The following TRPC4AP variants were observed in gnomAD, a reference collection of about 807,000 sequenced individuals.
TRPC4AP encodes the protein transient receptor potential cation channel subfamily C member 4 associated protein.
A neutral mutation model predicts 99.0 loss-of-function variants in TRPC4AP; 45 were observed. The observed-to-expected ratio is 0.45, with a 90% confidence interval of 0.36 to 0.58. TRPC4AP has a LOEUF of 0.58. Ranked by LOEUF, TRPC4AP falls within the 20% of genes least tolerant of loss-of-function variation. The pLI is 0.00. For synonymous variants in TRPC4AP, 408 were observed against 385.8 expected (o/e 1.06, Z -0.67); for missense variants, 879 against 985.3 (o/e 0.89, Z 1.44).
chr20:35,061,170 A>G (rs1264605585), intron 3 of TRPC4AP, among the ~76,000 whole-genome samples: 1 of 152,216 alleles, frequency 6.6e-6, no homozygotes, highest in Non-Finnish European at 1.5e-5. Context: ...ATCAATATAC[A>G]TAAATCAACT....
At chr20:35,024,199 T>C (rs1482828826) in intron 8 of TRPC4AP, among the ~76,000 whole-genome samples, 1 of 151,810 alleles carries the variant, frequency 6.6e-6, no homozygotes, top group Non-Finnish European at 1.5e-5. Context: ...TAGTTAACCA[T>C]GGTATCGTGA....
chr20:35,044,183 G>A (rs2083502585), intron 7 of TRPC4AP, among the ~76,000 whole-genome samples: 1 of 151,892 alleles, frequency 6.6e-6, no homozygotes, highest in Non-Finnish European at 1.5e-5. Context: ...TTGAGACCAG[G>A]AAGTCAAGAC....
chr20:35,091,673 C>T (rs1345196628), intron 1 of TRPC4AP, among the ~76,000 whole-genome samples: 1 of 152,144 alleles, frequency 6.6e-6, no homozygotes, highest in East Asian at 1.9e-4. Context: ...CCTATTCAAC[C>T]TGGTTTACCC....
In TRPC4AP at chr20:35,002,879, T is replaced by G. The variant is rs796355258; in HGVS notation, c.*267A>C. 1.1e-4 allele frequency: 45 copies of G among 417,512 alleles called. No homozygotes were observed. Among genetic ancestry groups the G allele is most frequent in the African/African-American group, 8.2e-4 (41 of 49,818 alleles). 25.9% of individuals were successfully genotyped at this position (417,512 alleles called of 1,614,324 possible). A position where few individuals can be genotyped will look rare whatever the true frequency, so the allele number is the denominator to read the frequency against. On this transcript the variant is annotated 3_prime_UTR_variant, in exon 19 of 19. Transcript: ENST00000252015. ...AGCTAATGCTAAATGTCCTCTTACC[T>G]CTGGGTGGCCCTGGGCCCCAGGGTT...
chr20:35,029,652 T>TC (rs2083123027), intron 8 of TRPC4AP, among the ~76,000 whole-genome samples: 3 of 136,804 alleles, frequency 2.2e-5, no homozygotes, highest in Non-Finnish European at 4.7e-5. Context: ...TTTTTTTTTT[T>TC]TGAGACAGAG....
chr20:35,084,691 T>C (rs939965451), intron 1 of TRPC4AP, among the ~76,000 whole-genome samples: 4 of 143,576 alleles, frequency 2.8e-5, no homozygotes, highest in Admixed American at 1.4e-4. Flanking sequence ...TTTATATGCA[T>C]ATATGTGTAT....
intron 8 of TRPC4AP, among the ~76,000 whole-genome samples, chr20:35,033,750 G>A (rs1046826982): frequency 2.0e-5 from 3 of 152,118 alleles, no homozygotes; most frequent in Admixed American, 6.6e-5. Flanking sequence ...CTGGCACTCT[G>A]GGAGGCCAAG....
In TRPC4AP at chr20:35,042,257, A is replaced by T. The variant is rs555569831; in HGVS notation, c.865+2248T>A. On this transcript the variant is annotated intron_variant, in intron 7 of 18. Transcript: ENST00000252015. Reference sequence around the variant, plus strand: ...TAGAGAGAGAATAAACTGGGGTTGGAGTCCACAAACTTCTACCTTTACATA... The same window carrying T: ...TAGAGAGAGAATAAACTGGGGTTGGTGTCCACAAACTTCTACCTTTACATA... 5.3e-5 allele frequency among the ~76,000 whole-genome samples: 8 copies of T among 152,342 alleles called. No homozygotes were observed. The East Asian group carries it at 1.5e-3, about 29-fold the overall frequency.
In TRPC4AP at chr20:35,049,779, A is replaced by G. The variant is rs1466765656; in HGVS notation, c.657+87T>C. The G allele has an allele frequency of 7.0e-6, 10 of 1,426,174 alleles. No individual in the cohort carries two copies. The Admixed American group carries it at 2.5e-4, about 35-fold the overall frequency. The allele number at this position is 1,426,174 out of a possible 1,614,324, so 88.3% of individuals were successfully genotyped here. A position where few individuals can be genotyped will look rare whatever the true frequency, so the allele number is the denominator to read the frequency against. ...AAGACATAATTTAACACTTTCTTTT[A>G]AAAAAGCTCTGTATATTATTCAGTT... is the stretch of plus-strand genomic sequence containing the variant. On this transcript the variant is annotated intron_variant, in intron 6 of 18. Transcript: ENST00000252015.
rs189057869 is a variant in TRPC4AP, at chr20:35,058,036, G to A, written c.415-465C>T. Among the ~76,000 whole-genome samples, 104 of 152,180 alleles carry A rather than the reference G, an allele frequency of 6.8e-4. 1 individual carries two copies. Among genetic ancestry groups the A allele is most frequent in the African/African-American group, 2.4e-3 (98 of 41,522 alleles). On this transcript the variant is annotated intron_variant, in intron 3 of 18. Transcript: ENST00000252015. Reference sequence around the variant, plus strand: ...ACTTTAATACAATTTTGCACAAACTGTTTAAAATAAGCATGTATTTAAAAA... The same window carrying A: ...ACTTTAATACAATTTTGCACAAACTATTTAAAATAAGCATGTATTTAAAAA...
intron 1 of TRPC4AP, among the ~76,000 whole-genome samples, chr20:35,084,065 C>T (rs1371233603): frequency 2.0e-5 from 3 of 151,764 alleles, no homozygotes; most frequent in Non-Finnish European, 4.4e-5. Flanking sequence ...TTTGGGAGGC[C>T]GAGGTGGGTG....
intron 1 of TRPC4AP, among the ~76,000 whole-genome samples, chr20:35,087,434 C>T (rs943329347): frequency 4.0e-5 from 6 of 151,842 alleles, no homozygotes; most frequent in African/African-American, 1.5e-4. Context: ...AAGGAAGCAA[C>T]GACTGCCATG....
In TRPC4AP at chr20:35,039,433, C is replaced by T. The variant is rs2083399864; in HGVS notation, c.866-4125G>A. 2.6e-5 allele frequency among the ~76,000 whole-genome samples: 4 copies of T among 152,242 alleles called. No individual in the cohort carries two copies. The South Asian group carries it at 8.3e-4, about 32-fold the overall frequency. Reference sequence around the variant, plus strand: ...ATACCTAGCAACTCATACACAATCTCATGGGCTGACATCCCAGCATATCCA... The same window carrying T: ...ATACCTAGCAACTCATACACAATCTTATGGGCTGACATCCCAGCATATCCA... On this transcript the variant is annotated intron_variant, in intron 7 of 18. Coordinates refer to ENST00000252015, the MANE Select transcript of TRPC4AP (RefSeq NM_015638.3).
chr20:35,035,343 AAT>A, intron 7 of TRPC4AP, 35 bp from the exon 8 acceptor site: 1 of 1,599,758 alleles, frequency 6.3e-7, no homozygotes, highest in Non-Finnish European at 8.5e-7. Flanking sequence ...AAATTTTCAA[AAT>A]AGAGACCAGC....
chr20:35,070,066 A>G (rs1196397483), intron 2 of TRPC4AP, among the ~76,000 whole-genome samples: 1 of 152,170 alleles, frequency 6.6e-6, no homozygotes, highest in African/African-American at 2.4e-5. Flanking sequence ...CAACATCCTT[A>G]GTTGATCTCC....
At chr20:35,038,162 A>G (rs750728808) in intron 7 of TRPC4AP, among the ~76,000 whole-genome samples, 1 of 150,376 alleles carries the variant, frequency 6.6e-6, no homozygotes, top group Non-Finnish European at 1.5e-5. Context: ...GCTGCACAAC[A>G]CTGTAAATGT....
chr20:35,039,068 G>T (rs973535738), intron 7 of TRPC4AP, among the ~76,000 whole-genome samples: 30 of 152,228 alleles, frequency 2.0e-4, no homozygotes, highest in Non-Finnish European at 3.4e-4. Context: ...GCCAGACTGT[G>T]TCTCAAAATA....
rs1212026926 is a variant in TRPC4AP at position 35,092,673 on chromosome 20, T to C, written c.109A>G (p.Ile37Val). The C allele has an allele frequency of 6.6e-7, 1 of 1,523,324 alleles. No individual in the cohort carries two copies. Among genetic ancestry groups the C allele is most frequent in the Non-Finnish European group, 8.7e-7 (1 of 1,144,284 alleles). 94.4% of individuals were successfully genotyped at this position (1,523,324 alleles called of 1,614,324 possible). A position where few individuals can be genotyped will look rare whatever the true frequency, so the allele number is the denominator to read the frequency against. Residue 37 changes from isoleucine to valine, a missense_variant, in exon 1 of 19, where the codon ATT becomes GTT. Around this residue, in one of 3 missense-constraint regions of TRPC4AP, gnomAD observed 603 missense variants for 631.8 expected, o/e 0.95. Transcript: ENST00000252015. ...TGGCCCTGCCGCAGCTGCAGCAGAA[T>C]GTTACCAGGCCGCGGCCGGCCGCCC... ...GWGGRPRPGN[I>V]LLQLRQGQLT...
At chr20:35,085,609 T>A (rs1392824327) in intron 1 of TRPC4AP, among the ~76,000 whole-genome samples, 2 of 137,622 alleles carry the variant, frequency 1.5e-5, no homozygotes, top group South Asian at 2.3e-4. Flanking sequence ...AGACCCTGTC[T>A]AAAAAAAAAA....
Sources: allele counts gnomAD v4.1 joint callset (sites outside exome capture counted in the v4.1 genomes callset), GRCh38; gene constraint gnomAD v4.1.1; regional missense constraint gnomAD v4.1.1; transcripts MANE v1.5; gene names NCBI Gene and HGNC (gene_info 2026-07-23, HGNC 2026-07-21).